Variants in DNAJC13 observed in about 807,000 individuals in gnomAD.
DNAJC13 encodes the protein dnaJ homolog subfamily C member 13.
In DNAJC13, 75 loss-of-function variants were observed where a neutral mutation model predicts 290.5. The observed-to-expected ratio is 0.26, with a 90% CI of 0.21 to 0.31. The LOEUF is 0.31. DNAJC13 is among the 10% of genes least tolerant of loss of function. The pLI, the probability that DNAJC13 is intolerant of heterozygous loss-of-function variation, is 1.00. For missense variants in DNAJC13, 2,260 were observed against 2,674.5 expected (o/e 0.85, Z 3.42); for synonymous variants, 862 against 892.0 (o/e 0.97, Z 0.60).
Position 132,526,163 on chromosome 3 carries a change from C to T in DNAJC13, c.6263C>T (p.Ser2088Phe). 6.2e-7 allele frequency: 1 copy of T among 1,614,050 alleles called. No homozygotes were observed. Among genetic ancestry groups the T allele is most frequent in the Non-Finnish European group, 8.5e-7 (1 of 1,179,966 alleles). The change falls in exon 53 of 56, where the codon TCT (serine) becomes TTT (phenylalanine). Residue 2088 changes from serine (S) to phenylalanine (F), a missense_variant. By Grantham distance (155) the Ser-to-Phe change is radical. Coordinates refer to ENST00000260818, the MANE Select transcript of DNAJC13 (RefSeq NM_015268.4). ...ENELCVRAMA[S>F]LETIGPLMNG... is the part of the protein sequence containing the mutation. ...TAGCTGTGTGTTCGAGCCATGGCAT[C>T]TTTAGAGACCATTGGCCCACTGATG...
At chr3:132,427,501 C>T (rs1939130688) in intron 1 of DNAJC13, among the ~76,000 whole-genome samples, 1 of 151,966 alleles carries the variant, frequency 6.6e-6, no homozygotes, top group Admixed American at 6.6e-5. Context: ...ATAATAATGA[C>T]AGTAACAATA....
Position 132,479,299 on chromosome 3 carries a change from T to C in DNAJC13, c.2772+10T>C, listed in dbSNP as rs775924272. On this transcript the variant is annotated intron_variant, in intron 25 of 55. Coordinates refer to ENST00000260818, the MANE Select transcript of DNAJC13 (RefSeq NM_015268.4). ...GTTGATCCTTAATAAGGTACAGTAG[T>C]TTCGCATACATACATTGTTATTTCC... The C allele has an allele frequency of 1.9e-6, 3 of 1,561,412 alleles. No homozygotes were observed. In the South Asian group the frequency reaches 3.4e-5, roughly 18 times the overall value.
At chr3:132,466,522 A>G in intron 19 of DNAJC13, 128 bp downstream of exon 19, 1 of 619,944 alleles carries the variant, frequency 1.6e-6, no homozygotes, top group Non-Finnish European at 2.5e-6. Flanking sequence ...ATACTTAACT[A>G]TTGATATCTT....
At chr3:132,486,727 A>G (rs114724449) in intron 29 of DNAJC13, among the ~76,000 whole-genome samples, 1,604 of 152,290 alleles carry the variant, frequency 0.011, 10 homozygotes, top group Middle Eastern at 0.027. Context: ...TGTTATCTTC[A>G]TCGGTTGGAA....
At chr3:132,424,499 T>C (rs988681876) in intron 1 of DNAJC13, among the ~76,000 whole-genome samples, 13 of 152,180 alleles carry the variant, frequency 8.5e-5, no homozygotes, top group African/African-American at 3.1e-4. Context: ...TCTTGCCCTG[T>C]ATTTCATTAA....
Position 132,453,605 on chromosome 3 carries a change from G to A in DNAJC13, c.751G>A (p.Val251Ile). 6.2e-7 allele frequency: 1 copy of A among 1,611,020 alleles called. No homozygotes were observed. The change falls in exon 8 of 56, where the codon GTT (valine) becomes ATT (isoleucine). Residue 251 changes from valine (V) to isoleucine (I), a missense_variant. Physicochemically the swap from Val to Ile is conservative, Grantham distance 29. Coordinates refer to ENST00000260818, the MANE Select transcript of DNAJC13 (RefSeq NM_015268.4). ...TCAATTTTATTTTTTGAAGGAGCCT[G>A]TTAAAAGAGTTCTAGCACTTACAGA... is the stretch of plus-strand genomic sequence containing the variant. ...QKISPRHSEP[V>I]KRVLALTETC...
intron 48 of DNAJC13, among the ~76,000 whole-genome samples, chr3:132,520,715 C>G (rs973440913): frequency 6.6e-6 from 1 of 152,064 alleles, no homozygotes; most frequent in Non-Finnish European, 1.5e-5. Flanking sequence ...GACAGTTATC[C>G]TAAATACAAT....
In DNAJC13 at chr3:132,483,378, C is replaced by G; in HGVS notation, c.2983C>G (p.Gln995Glu). Residue 995 changes from glutamine to glutamate, a missense_variant, in exon 28 of 56, where the codon CAA becomes GAA. Physicochemically the swap from Gln to Glu is conservative, Grantham distance 29. Transcript: ENST00000260818. ...RSGPYGFHEM[Q>E]ELWTKGMLNA... ...AATAATGCCTTCCATCCATTAGATG[C>G]AAGAATTGTGGACCAAAGGAATGTT... The G allele has an allele frequency of 6.2e-7, 1 of 1,613,634 alleles. No homozygotes were observed. Among genetic ancestry groups the G allele is most frequent in the Non-Finnish European group, 8.5e-7 (1 of 1,179,658 alleles).
chr3:132,433,573 C>T (rs187939145), intron 1 of DNAJC13, among the ~76,000 whole-genome samples: 84 of 152,256 alleles, frequency 5.5e-4, no homozygotes, highest in Non-Finnish European at 7.9e-4. Flanking sequence ...ACTGTGCCAG[C>T]GAGAAAATTA....
intron 48 of DNAJC13, among the ~76,000 whole-genome samples, chr3:132,522,037 T>G (rs1452308557): frequency 6.6e-6 from 1 of 152,226 alleles, no homozygotes; most frequent in African/African-American, 2.4e-5. Flanking sequence ...GGTTTTATGT[T>G]TCTTTCGTGT....
At chr3:132,516,527 A>G in intron 47 of DNAJC13, 31 bp downstream of exon 47, 1 of 1,603,210 alleles carries the variant, frequency 6.2e-7, no homozygotes, top group South Asian at 1.1e-5. Flanking sequence ...TTAGCTAGTC[A>G]TGTGCAATAT....
In DNAJC13 at chr3:132,525,792, A is replaced by T; in HGVS notation, c.6240+3A>T. 6.2e-7 allele frequency: 1 copy of T among 1,613,628 alleles called. No homozygotes were observed. The highest frequency in any genetic ancestry group is 1.1e-5 in the South Asian group (1 of 91,002). ...TCCATGCCTTGTCTGAAAATGAGGT[A>T]TTGATGAATACACTTAGTAGTTTAT... is the stretch of plus-strand genomic sequence containing the variant. On this transcript the variant is annotated splice_donor_region_variant and intron_variant, in intron 52 of 55. Transcript: ENST00000260818.
chr3:132,516,922 A>T, intron 48 of DNAJC13, 106 bp downstream of exon 48: 1 of 970,278 alleles, frequency 1.0e-6, no homozygotes, highest in South Asian at 1.7e-5. Context: ...AGGATAAGGA[A>T]ATGAGGTGAT....
intron 55 of DNAJC13, among the ~76,000 whole-genome samples, chr3:132,537,536 C>A (rs1016001607): frequency 5.3e-5 from 8 of 152,124 alleles, no homozygotes; most frequent in African/African-American, 1.9e-4. Context: ...TAAATGCTGG[C>A]ATATATGGCA....
intron 1 of DNAJC13, among the ~76,000 whole-genome samples, chr3:132,432,643 A>C (rs1355717797): frequency 6.6e-6 from 1 of 152,248 alleles, no homozygotes; most frequent in African/African-American, 2.4e-5. Flanking sequence ...TCAGTCTTTC[A>C]TTAGCAGCCA....
At chr3:132,527,059 T>C (rs1936281229) in intron 53 of DNAJC13, among the ~76,000 whole-genome samples, 1 of 152,194 alleles carries the variant, frequency 6.6e-6, no homozygotes, top group Non-Finnish European at 1.5e-5. Flanking sequence ...TAATAATACA[T>C]TGTATATTTC....
intron 16 of DNAJC13, 121 bp from the exon 17 acceptor site, chr3:132,463,575 T>G: frequency 8.5e-7 from 1 of 1,177,108 alleles, no homozygotes. Flanking sequence ...AGATGCATTT[T>G]AAAAACTTCT....
At chr3:132,528,902 G>A (rs533666118) in intron 54 of DNAJC13, among the ~76,000 whole-genome samples, 2 of 151,896 alleles carry the variant, frequency 1.3e-5, no homozygotes, top group African/African-American at 4.8e-5. Context: ...TTTCCTCTAA[G>A]GAGTTCCTCA....
In DNAJC13 at chr3:132,484,633, A is replaced by G. The variant is rs748818059; in HGVS notation, c.3228A>G (p.Arg1076=). Residue 1076 remains arginine (R), a synonymous_variant, in exon 29 of 56, where the codon AGA becomes AGG. Coordinates refer to ENST00000260818, the MANE Select transcript of DNAJC13 (RefSeq NM_015268.4). ...TTCGGCCTCTACCCAAAGTGAAAAG[A>G]CTGCTGTCAGATAGCACTTGCCTTC... ...AIIRPLPKVK[R]LLSDSTCLPH... is the part of the protein sequence containing the mutation. 5 of 1,614,158 alleles carry G rather than the reference A, an allele frequency of 3.1e-6. No individual in the cohort carries two copies. The highest frequency in any genetic ancestry group is 4.2e-6 in the Non-Finnish European group (5 of 1,179,996).
Sources: allele counts gnomAD v4.1 joint callset (sites outside exome capture counted in the v4.1 genomes callset), GRCh38; gene constraint gnomAD v4.1.1; transcripts MANE v1.5; gene names NCBI Gene and HGNC (gene_info 2026-07-23, HGNC 2026-07-21).